Variants in RGP1 observed in about 807,000 individuals in gnomAD.
RGP1 encodes the protein RGP1 partner of RAB6A GEF complex.
In RGP1, 28 loss-of-function variants were observed where a neutral mutation model predicts 44.5. The observed-to-expected ratio is 0.63, with a 90% CI of 0.47 to 0.86. The LOEUF is 0.86. RGP1 is among the 40% of genes least tolerant of loss of function. The pLI is 0.00. For missense variants in RGP1, 417 were observed against 490.7 expected (o/e 0.85, Z 1.42); for synonymous variants, 212 against 196.7 (o/e 1.08, Z -0.65).
In RGP1 at chr9:35,751,332, A is replaced by G. The variant is rs371985707; in HGVS notation, c.554A>G (p.Asp185Gly). The part of the protein sequence containing the change: ...VAPSSPFLEE[D>G]EGGKKDSWLA... ...CCATCCAGTCCATTCTTGGAGGAGG[A>G]TGAAGGTGGGAAGAAAGATTCATGG... Residue 185 changes from aspartate (D) to glycine (G), a missense_variant, in exon 6 of 9, where the codon GAT (aspartate) becomes GGT (glycine). Physicochemically the swap from Asp to Gly is moderately conservative, Grantham distance 94. Transcript: ENST00000378078. 1 of 1,613,940 alleles carries G rather than the reference A, an allele frequency of 6.2e-7. No homozygotes were observed. The highest frequency in any genetic ancestry group is 8.5e-7 in the Non-Finnish European group (1 of 1,179,882).
the RGP1 span, among the ~76,000 whole-genome samples, chr9:35,765,626 C>T: frequency 2.0e-5 from 3 of 146,562 alleles, no homozygotes; most frequent in African/African-American, 2.5e-5. Flanking sequence ...TTCTGCACTC[C>T]AGCCTGGGTA....
the RGP1 span, among the ~76,000 whole-genome samples, chr9:35,783,192 CTT>C: frequency 6.6e-6 from 1 of 152,026 alleles, no homozygotes; most frequent in African/African-American, 2.4e-5. Flanking sequence ...TTAATTTTCT[CTT>C]TTTATTTTAT....
chr9:35,773,089 A>C, the RGP1 span, among the ~76,000 whole-genome samples: 1 of 151,966 alleles, frequency 6.6e-6, no homozygotes, highest in African/African-American at 2.4e-5. Context: ...AAAGTAATAC[A>C]TAATTATTGA....
the RGP1 span, among the ~76,000 whole-genome samples, chr9:35,774,668 G>A: frequency 1.3e-5 from 2 of 152,112 alleles, no homozygotes; most frequent in Non-Finnish European, 2.9e-5. Flanking sequence ...AGCTTGCAGT[G>A]AGCCGAGATT....
At chr9:35,776,146 G>C in the RGP1 span, among the ~76,000 whole-genome samples, 2 of 152,186 alleles carry the variant, frequency 1.3e-5, no homozygotes, top group African/African-American at 4.8e-5. Context: ...TCACTGGTGG[G>C]AGAGGCTGGC....
rs1467488396 is a variant in RGP1, at chr9:35,749,614, C to G, written c.-19-123C>G. ...CCCACCCGCCTACCCCTCCTATATC[C>G]AGGAGCTCCCTCGGGCACCACGGTG... On this transcript the variant is annotated intron_variant, in intron 1 of 8. Transcript: ENST00000378078. The surrounding 1 kb of genome is among the most constrained non-coding windows in gnomAD (Gnocchi z 4.4). 2 of 705,280 alleles carry G rather than the reference C, an allele frequency of 2.8e-6. No homozygotes were observed. The highest frequency in any genetic ancestry group is 3.6e-5 in the African/African-American group (2 of 56,254). The allele number at this position is 705,280 out of a possible 1,614,324, so 43.7% of individuals were successfully genotyped here.
the RGP1 span, among the ~76,000 whole-genome samples, chr9:35,766,655 T>C: frequency 3.9e-5 from 6 of 152,350 alleles, no homozygotes; most frequent in South Asian, 1.2e-3. Flanking sequence ...ATGATCCATT[T>C]TGATCGCATG....
rs910950876 is a variant in RGP1 at position 35,751,807 on chromosome 9, AG to A, written c.762+56del. On this transcript the variant is annotated intron_variant, in intron 7 of 8. Transcript: ENST00000378078. ...GCTGGGGTGCTGGGGTTGAAGGGCTAGGGTGGAAGGCCTGTATAAAGAGGGG... is the reference window on the plus strand; with the variant it reads ...GCTGGGGTGCTGGGGTTGAAGGGCTAGGTGGAAGGCCTGTATAAAGAGGGG... 13 of 1,611,166 alleles carry A rather than the reference AG, an allele frequency of 8.1e-6. No homozygotes were observed. In the African/African-American group the frequency reaches 1.7e-4, roughly 22 times the overall value.
chr9:35,762,863 G>A (rs1827432186), downstream of RGP1, among the ~76,000 whole-genome samples: 1 of 149,894 alleles, frequency 6.7e-6, no homozygotes, highest in African/African-American at 2.5e-5. Flanking sequence ...CAGTTCTGCT[G>A]TTAAAAAAAA....
the RGP1 span, among the ~76,000 whole-genome samples, chr9:35,784,744 A>T: frequency 6.6e-6 from 1 of 152,150 alleles, no homozygotes; most frequent in Non-Finnish European, 1.5e-5. Flanking sequence ...CTGGGATTAC[A>T]GGTGTGAGCC....
At chr9:35,779,572 G>A in the RGP1 span, among the ~76,000 whole-genome samples, 1 of 152,184 alleles carries the variant, frequency 6.6e-6, no homozygotes, top group Non-Finnish European at 1.5e-5. Context: ...GAGGAAGATC[G>A]CCGGGCTTGA....
chr9:35,769,568 C>T, the RGP1 span, among the ~76,000 whole-genome samples: 1 of 152,030 alleles, frequency 6.6e-6, no homozygotes, highest in African/African-American at 2.4e-5. Context: ...TTTGGGAGAA[C>T]ATAGTTTGTA....
chr9:35,776,339 C>T, the RGP1 span, among the ~76,000 whole-genome samples: 7 of 151,312 alleles, frequency 4.6e-5, 2 homozygotes, highest in South Asian at 1.3e-3. Flanking sequence ...CAGGCTGGGG[C>T]GCAGTGGTAT....
the RGP1 span, chr9:35,780,452 T>A: frequency 6.6e-6 from 1 of 152,192 alleles, no homozygotes; most frequent in Non-Finnish European, 1.5e-5. Context: ...GGGTGGCAGG[T>A]TATGTTTATA....
At chr9:35,766,384 T>C in the RGP1 span, among the ~76,000 whole-genome samples, 9 of 152,192 alleles carry the variant, frequency 5.9e-5, no homozygotes, top group Admixed American at 2.6e-4. Context: ...ATACAAGTCC[T>C]TTGTGAGTAT....
Position 35,751,422 on chromosome 9 carries a change from C to T in RGP1, c.634+10C>T. Reference sequence around the variant, plus strand: ...TCCTGCCGCAGCCTCCGTGAGAATTCTTTCAGAATTGTCCTACCCCATCCT... The same window carrying T: ...TCCTGCCGCAGCCTCCGTGAGAATTTTTTCAGAATTGTCCTACCCCATCCT... On this transcript the variant is annotated intron_variant, in intron 6 of 8. Coordinates refer to ENST00000378078, the MANE Select transcript of RGP1 (RefSeq NM_001080496.3). 6.2e-7 allele frequency: 1 copy of T among 1,613,924 alleles called. No homozygotes were observed. Among genetic ancestry groups the T allele is most frequent in the Non-Finnish European group, 8.5e-7 (1 of 1,179,846 alleles).
chr9:35,759,567 CAAAAAAAAAAAAA>C (rs57938702), downstream of RGP1, among the ~76,000 whole-genome samples: 24 of 38,308 alleles, frequency 6.3e-4, no homozygotes, highest in South Asian at 1.9e-3. Context: ...ACCCTGTCTC[CAAAAAAAAAAAAA>C]AAAAAAAAAA....
Position 35,753,499 on chromosome 9 carries a change from C to G in RGP1, c.*625C>G. On this transcript the variant is annotated 3_prime_UTR_variant, in exon 9 of 9. Coordinates refer to ENST00000378078, the MANE Select transcript of RGP1 (RefSeq NM_001080496.3). The surrounding 1 kb of genome is among the most constrained non-coding windows in gnomAD (Gnocchi z 4.2). ...ACCCCAACCTCCCCTGATTTATAGC[C>G]TGAAGCCTTATCTTTCACACTAGTG... 1.3e-6 allele frequency: 1 copy of G among 781,390 alleles called. No individual in the cohort carries two copies. Among genetic ancestry groups the G allele is most frequent in the Non-Finnish European group, 2.1e-6 (1 of 485,006 alleles). The allele number at this position is 781,390 out of a possible 1,614,324, so 48.4% of individuals were successfully genotyped here. A position where few individuals can be genotyped will look rare whatever the true frequency, so the allele number is the denominator to read the frequency against.
the RGP1 span, among the ~76,000 whole-genome samples, chr9:35,784,655 A>T: frequency 6.6e-6 from 1 of 151,920 alleles, no homozygotes; most frequent in Non-Finnish European, 1.5e-5. Context: ...GTTTCACCAT[A>T]TTGGCCAGGC....
Sources: allele counts gnomAD v4.1 joint callset (sites outside exome capture counted in the v4.1 genomes callset), GRCh38; gene constraint gnomAD v4.1.1; non-coding constraint Gnocchi (gnomAD v3.1); transcripts MANE v1.5; gene names NCBI Gene and HGNC (gene_info 2026-07-23, HGNC 2026-07-21).